Variants in AOC1 observed in about 807,000 individuals in gnomAD.
The protein encoded by AOC1 is amine oxidase copper containing 1.
AOC1 carries 58 observed loss-of-function variants against 57.1 expected under a neutral mutation model. The observed-to-expected ratio is 1.02, with a 90% CI of 0.82 to 1.26. AOC1 has a LOEUF of 1.26. Ranked by LOEUF, AOC1 falls within the 50% of genes most tolerant of loss-of-function variation. AOC1 has a pLI of 0.00. For missense variants in AOC1, 917 were observed against 1,005.3 expected, an observed-to-expected ratio of 0.91 and a Z score of 1.19; for synonymous variants, 401 against 423.4, an observed-to-expected ratio of 0.95 and a Z score of 0.65.
At chr7:150,860,722 C>T in intron 4 of AOC1, 89 bp downstream of exon 4, 1 of 1,500,222 alleles carries the variant, frequency 6.7e-7, no homozygotes, top group Non-Finnish European at 9.1e-7. Flanking sequence ...CAGGGAGTCC[C>T]AACCACCCTT....
Position 150,856,495 on chromosome 7 carries a change from G to T in AOC1, c.25G>T (p.Ala9Ser), listed in dbSNP as rs757702882. The T allele has an allele frequency of 2.5e-6, 4 of 1,613,830 alleles. No homozygotes were observed. In the Admixed American group the frequency reaches 6.7e-5, roughly 27 times the overall value. The change falls in exon 2 of 5, where the codon GCT becomes TCT. Residue 9 changes from alanine to serine, a missense_variant. Physicochemically the swap from Ala to Ser is moderately conservative, Grantham distance 99. Coordinates refer to ENST00000360937, the MANE Select transcript of AOC1 (RefSeq NM_001091.4). This position sits in a 1 kb window ranked among gnomAD's most constrained non-coding sequence, Gnocchi z 5.2. MPALGWAV[A>S]AILMLQTAMA... ...GATGCCGGCCCTGGGCTGGGCCGTG[G>T]CTGCCATCCTGATGCTGCAGACGGC...
At chr7:150,858,330 A>G (rs1432927566) in intron 2 of AOC1, among the ~76,000 whole-genome samples, 2 of 152,144 alleles carry the variant, frequency 1.3e-5, no homozygotes, top group East Asian at 1.9e-4. Context: ...GTCACTGTCT[A>G]GCGCTTTGAG....
At position 150,857,025 on chromosome 7, in the gene AOC1, C is replaced by T. The variant is rs1421052203; in HGVS notation, c.555C>T (p.Thr185=). 7 of 1,614,186 alleles carry T rather than the reference C, an allele frequency of 4.3e-6. No individual in the cohort carries two copies. The highest frequency in any genetic ancestry group is 1.7e-5 in the Admixed American group (1 of 60,032). Residue 185 remains threonine (T), a synonymous_variant, in exon 2 of 5, where the codon ACC becomes ACT. Transcript: ENST00000360937. The surrounding 1 kb of genome is among the most constrained non-coding windows in gnomAD (Gnocchi z 6.6). ...GCCATGACAGATGCCTGGCCTTCACCGATGTGGCCCCCCGGGGTGTGGCTT... is the reference window on the plus strand; with the variant it reads ...GCCATGACAGATGCCTGGCCTTCACTGATGTGGCCCCCCGGGGTGTGGCTT... ...QDCHDRCLAF[T]DVAPRGVASG...
rs531495481 is a variant in AOC1, at chr7:150,852,540, C to G, written c.-35C>G. On this transcript the variant is annotated 5_prime_UTR_variant, in exon 1 of 5. Transcript: ENST00000360937. The surrounding 1 kb of genome is among the most constrained non-coding windows in gnomAD (Gnocchi z 4.6). The stretch of plus-strand genomic sequence containing the variant: ...GGGCAAAGGCTGGAAGCAGAGCGAA[C>G]TGGGAGCAGAGCACACAGGTGCGTT... 2 of 153,032 alleles carry G rather than the reference C, an allele frequency of 1.3e-5. No individual in the cohort carries two copies. Among genetic ancestry groups the G allele is most frequent in the East Asian group, 3.9e-4 (2 of 5,194 alleles). 9.5% of individuals were successfully genotyped at this position (153,032 alleles called of 1,614,324 possible).
In AOC1 at chr7:150,852,720, G is replaced by A. The variant is rs1015922041; in HGVS notation, c.-17+162G>A. 5.3e-5 allele frequency among the ~76,000 whole-genome samples: 8 copies of A among 152,148 alleles called. No individual in the cohort carries two copies. Among genetic ancestry groups the A allele is most frequent in the South Asian group, 2.1e-4 (1 of 4,820 alleles). On this transcript the variant is annotated intron_variant, in intron 1 of 4. Transcript: ENST00000360937. This position sits in a 1 kb window ranked among gnomAD's most constrained non-coding sequence, Gnocchi z 4.6. ...GCCCAGCACATCACAGAAGGTGCCC[G>A]GGTGCTTGGTGGCAGGCAACAGCCG...
At chr7:150,854,927 G>A (rs1799729236) in intron 1 of AOC1, among the ~76,000 whole-genome samples, 1 of 152,216 alleles carries the variant, frequency 6.6e-6, no homozygotes. Context: ...TCTGAGACAG[G>A]AGTGGATTAA....
chr7:150,853,632 C>T (rs1799682250), intron 1 of AOC1, among the ~76,000 whole-genome samples: 1 of 146,540 alleles, frequency 6.8e-6, no homozygotes, highest in African/African-American at 2.5e-5. Context: ...GAGTTCAAGA[C>T]CAGCCTGGGC....
chr7:150,860,904 C>A, intron 4 of AOC1, 39 bp from the exon 5 acceptor site: 1 of 1,592,686 alleles, frequency 6.3e-7, no homozygotes, highest in South Asian at 1.1e-5. Context: ...GTGGTCAGTA[C>A]TCAGCCCTGC....
chr7:150,856,679 T>A lies in AOC1; in HGVS notation c.209T>A (p.Phe70Tyr). 6.2e-7 allele frequency: 1 copy of A among 1,614,144 alleles called. No homozygotes were observed. The highest frequency in any genetic ancestry group is 8.5e-7 in the Non-Finnish European group (1 of 1,179,978). The part of the protein sequence containing the change: ...STTTMAKNTV[F>Y]LIEMLLPKKY... Reference sequence around the variant, plus strand: ...ACCACCATGGCCAAGAACACCGTGTTTCTCATCGAGATGCTGCTGCCCAAG... The same window carrying A: ...ACCACCATGGCCAAGAACACCGTGTATCTCATCGAGATGCTGCTGCCCAAG... Residue 70 changes from phenylalanine to tyrosine, a missense_variant, in exon 2 of 5, where the codon TTT (phenylalanine) becomes TAT (tyrosine). Phe to Tyr is a conservative substitution (Grantham distance 22). Coordinates refer to ENST00000360937, the MANE Select transcript of AOC1 (RefSeq NM_001091.4). The surrounding 1 kb of genome is among the most constrained non-coding windows in gnomAD (Gnocchi z 5.2).
chr7:150,854,531 G>A (rs1200954923), intron 1 of AOC1, among the ~76,000 whole-genome samples: 3 of 152,228 alleles, frequency 2.0e-5, no homozygotes, highest in East Asian at 1.9e-4. Flanking sequence ...TCGGCAGTGC[G>A]GGGTTTCAGC....
At chr7:150,858,412 G>A (rs190656077) in intron 2 of AOC1, among the ~76,000 whole-genome samples, 3 of 152,230 alleles carry the variant, frequency 2.0e-5, no homozygotes, top group Admixed American at 1.3e-4. Context: ...AATGGCATGG[G>A]TAGAATAACT....
At chr7:150,860,761 C>A in intron 4 of AOC1, 128 bp downstream of exon 4, 2 of 1,360,804 alleles carry the variant, frequency 1.5e-6, no homozygotes, top group Non-Finnish European at 2.0e-6. Flanking sequence ...GTCGCAGGAG[C>A]TGTGCCTTGC....
intron 1 of AOC1, among the ~76,000 whole-genome samples, chr7:150,855,069 C>CTTATAAAT (rs1326137682): frequency 6.6e-6 from 1 of 152,222 alleles, no homozygotes; most frequent in Non-Finnish European, 1.5e-5. Context: ...AGAGTCCAAC[C>CTTATAAAT]CACTCATGCA....
chr7:150,856,788 G>A lies in AOC1; in HGVS notation c.318G>A (p.Gln106=), dbSNP rs773103675. ...GTGCCGTCATCTTCTTTGGTGACCA[G>A]GAGCATCCCAATGTCACCGAGTTTG... ...EARAVIFFGD[Q]EHPNVTEFAV... The change falls in exon 2 of 5, where the codon CAG becomes CAA. Residue 106 remains glutamine, a synonymous_variant. Transcript: ENST00000360937. This position sits in a 1 kb window ranked among gnomAD's most constrained non-coding sequence, Gnocchi z 5.2. 2 of 1,614,122 alleles carry A rather than the reference G, an allele frequency of 1.2e-6. No individual in the cohort carries two copies. The highest frequency in any genetic ancestry group is 1.7e-6 in the Non-Finnish European group (2 of 1,179,966).
In AOC1 at chr7:150,858,834, C is replaced by T. The variant is rs146188230; in HGVS notation, c.1642C>T (p.Arg548Cys). Residue 548 changes from arginine to cysteine, a missense_variant, in exon 3 of 5, where the codon CGC becomes TGC. Physicochemically the swap from Arg to Cys is radical, Grantham distance 180. Transcript: ENST00000360937. ...CACCAACCCCTGGAGCCCAAGACACCGCGTGGTCCAGCCAACTCTGGAGCA... is the reference window on the plus strand; with the variant it reads ...CACCAACCCCTGGAGCCCAAGACACTGCGTGGTCCAGCCAACTCTGGAGCA... ...NITNPWSPRH[R>C]VVQPTLEQTQ... The T allele has an allele frequency of 2.4e-5, 39 of 1,613,710 alleles. 1 individual carries two copies. Among genetic ancestry groups the T allele is most frequent in the Middle Eastern group, 3.3e-4 (2 of 6,082 alleles).
intron 3 of AOC1, 173 bp from the exon 4 acceptor site, chr7:150,860,328 C>A: frequency 8.9e-7 from 1 of 1,129,846 alleles, no homozygotes; most frequent in South Asian, 1.5e-5. Flanking sequence ...TCCTGTGGGT[C>A]ACCTGAACCC....
In AOC1 at chr7:150,857,223, G is replaced by A. The variant is rs1423372975; in HGVS notation, c.753G>A (p.Arg251=). Residue 251 remains arginine, a synonymous_variant, in exon 2 of 5, where the codon CGG becomes CGA. Transcript: ENST00000360937. The surrounding 1 kb of genome is among the most constrained non-coding windows in gnomAD (Gnocchi z 6.6). ...KFYGSPEELA[R]KYADGEVDVV... ...ATGGGAGCCCAGAGGAACTGGCTCG[G>A]AAGTATGCAGATGGAGAGGTGGACG... The A allele has an allele frequency of 2.5e-5, 40 of 1,612,766 alleles. No individual in the cohort carries two copies. The East Asian group carries it at 8.2e-4, about 33-fold the overall frequency.
rs757784411 is a variant in AOC1, at chr7:150,856,445, T to C, written c.-16-10T>C. 6 of 1,596,520 alleles carry C rather than the reference T, an allele frequency of 3.8e-6. No homozygotes were observed. Among genetic ancestry groups the C allele is most frequent in the Middle Eastern group, 3.4e-4 (2 of 5,936 alleles). ...AGACAACTAAGTTCATCTCCTCTAT[T>C]GCATTCCAGAGCCGTGGAGCGAGAG... On this transcript the variant is annotated splice_polypyrimidine_tract_variant and intron_variant, in intron 1 of 4. Coordinates refer to ENST00000360937, the MANE Select transcript of AOC1 (RefSeq NM_001091.4). The surrounding 1 kb of genome is among the most constrained non-coding windows in gnomAD (Gnocchi z 5.2).
rs1799690349 is a variant in AOC1 at position 150,853,693 on chromosome 7, A to ATT, written c.-17+1136_-17+1137insTT. On this transcript the variant is annotated intron_variant, in intron 1 of 4. Transcript: ENST00000360937. ...TATATATATATATATATATATATAT[A>ATT]TATATTTATTTATTTATTTATTTAA... Among the ~76,000 whole-genome samples the ATT allele has an allele frequency of 1.5e-4, 9 of 60,644 alleles. No homozygotes were observed. The South Asian group carries it at 1.6e-3, about 11-fold the overall frequency. The allele number at this position is 60,644 out of a possible 152,430, so 39.8% of individuals were successfully genotyped here. A position where few individuals can be genotyped will look rare whatever the true frequency, so the allele number is the denominator to read the frequency against.
Sources: gnomAD v4.1 joint callset for allele counts (sites outside exome capture counted in the v4.1 genomes callset) on GRCh38, gnomAD v4.1.1 for gene constraint, Gnocchi (gnomAD v3.1) non-coding constraint, MANE v1.5 for transcripts, NCBI Gene and HGNC (gene_info 2026-07-23, HGNC 2026-07-21) for gene names.